Variants in KDM7A observed in about 807,000 individuals in gnomAD.
The protein encoded by KDM7A is lysine demethylase 7A, also known as lysine-specific demethylase 7A.
In KDM7A, 28 loss-of-function variants were observed where a neutral mutation model predicts 114.8. The ratio of observed to expected loss-of-function variants is 0.24; its 90% CI spans 0.18 to 0.33. KDM7A has a LOEUF of 0.33. Ranked by LOEUF, KDM7A falls within the 10% of genes least tolerant of loss-of-function variation. The pLI, the probability that KDM7A is intolerant of heterozygous loss-of-function variation, is 1.00. For missense variants in KDM7A, 942 were observed against 1,142.5 expected (o/e 0.82, Z 2.53); for synonymous variants, 423 against 397.8 (o/e 1.06, Z -0.75).
At chr7:140,145,690 C>T (rs940086012) in intron 1 of KDM7A, among the ~76,000 whole-genome samples, 14 of 152,186 alleles carry the variant, frequency 9.2e-5, no homozygotes, top group Non-Finnish European at 1.5e-4. Flanking sequence ...TCAATGTTAA[C>T]AGATGCCAAG....
At chr7:140,105,109 G>C (rs2116760191) in intron 11 of KDM7A, among the ~76,000 whole-genome samples, 1 of 152,254 alleles carries the variant, frequency 6.6e-6, no homozygotes, top group Non-Finnish European at 1.5e-5. Context: ...TGGTGTATAG[G>C]AATGCTTGTG....
chr7:140,115,112 C>G (rs916493315), intron 9 of KDM7A, among the ~76,000 whole-genome samples: 1 of 151,814 alleles, frequency 6.6e-6, no homozygotes, highest in Admixed American at 6.6e-5. Flanking sequence ...CCAGCCACCC[C>G]GTCTGGGAGG....
rs761856563 is a variant in KDM7A, at chr7:140,176,748, C to T, written c.190G>A (p.Gly64Ser). ...ECDICKDWFH[G>S]SCVGVEEHHA... ...GGCTGGAGGGGGTTTATTTACCTGCCGTGGAACCAGTCCTTGCAGATATCG... is the reference window on the plus strand; with the variant it reads ...GGCTGGAGGGGGTTTATTTACCTGCTGTGGAACCAGTCCTTGCAGATATCG... Residue 64 changes from glycine (G) to serine (S), a missense_variant, in exon 1 of 20, where the codon GGC becomes AGC. Physicochemically the swap from Gly to Ser is moderately conservative, Grantham distance 56. Around this residue, in one of 4 missense-constraint regions of KDM7A, gnomAD observed 318 missense variants for 453.1 expected, o/e 0.70. Coordinates refer to ENST00000397560, the MANE Select transcript of KDM7A (RefSeq NM_030647.2). The surrounding 1 kb of genome is among the most constrained non-coding windows in gnomAD (Gnocchi z 4.4). The T allele has an allele frequency of 1.1e-4, 147 of 1,359,538 alleles. No homozygotes were observed. Among genetic ancestry groups the T allele is most frequent in the Non-Finnish European group, 1.4e-4 (145 of 1,029,656 alleles). 84.2% of individuals were successfully genotyped at this position (1,359,538 alleles called of 1,614,324 possible). A position where few individuals can be genotyped will look rare whatever the true frequency, so the allele number is the denominator to read the frequency against.
At chr7:140,165,178 T>G (rs1794560515) in intron 1 of KDM7A, among the ~76,000 whole-genome samples, 1 of 152,240 alleles carries the variant, frequency 6.6e-6, no homozygotes, top group Non-Finnish European at 1.5e-5. Flanking sequence ...CCTGGATCAT[T>G]AATGCTCTAG....
At chr7:140,135,559 T>A (rs920377974) in intron 2 of KDM7A, among the ~76,000 whole-genome samples, 4 of 152,224 alleles carry the variant, frequency 2.6e-5, no homozygotes, top group Non-Finnish European at 5.9e-5. Flanking sequence ...ATCTTTCTTA[T>A]TATATAATGA....
At chr7:140,096,463 A>T in intron 17 of KDM7A, 92 bp downstream of exon 17, 3 of 981,470 alleles carry the variant, frequency 3.1e-6, no homozygotes, top group Non-Finnish European at 1.6e-6. Context: ...AAAGATGCTT[A>T]TTCATAATCT....
chr7:140,133,453 G>T, intron 3 of KDM7A, 86 bp downstream of exon 3: 1 of 761,230 alleles, frequency 1.3e-6, no homozygotes. Flanking sequence ...GCCTAAGTTT[G>T]AAAACATTGC....
intron 1 of KDM7A, among the ~76,000 whole-genome samples, chr7:140,168,052 C>T (rs1380448100): frequency 6.6e-6 from 1 of 152,070 alleles, no homozygotes; most frequent in East Asian, 1.9e-4. Context: ...CAGATTAAAA[C>T]ATAGATACCA....
chr7:140,098,435 G>C (rs1818151093), intron 14 of KDM7A, among the ~76,000 whole-genome samples: 1 of 152,116 alleles, frequency 6.6e-6, no homozygotes, highest in African/African-American at 2.4e-5. Flanking sequence ...CTTGTCAACA[G>C]GTAATCAATT....
At chr7:140,142,819 T>TA (rs1309880279) in intron 1 of KDM7A, among the ~76,000 whole-genome samples, 1 of 152,114 alleles carries the variant, frequency 6.6e-6, no homozygotes, top group Admixed American at 6.5e-5. Flanking sequence ...AAACCGCTTA[T>TA]AGAATCATTA....
intron 11 of KDM7A, among the ~76,000 whole-genome samples, chr7:140,109,524 G>C (rs952997190): frequency 3.9e-5 from 6 of 152,266 alleles, no homozygotes; most frequent in Admixed American, 1.3e-4. Flanking sequence ...GGCTATTGTG[G>C]ATAATGCTGC....
rs938078951 is a variant in KDM7A, at chr7:140,119,098, C to T, written c.1246+15G>A. 2.7e-6 allele frequency: 4 copies of T among 1,477,060 alleles called. No homozygotes were observed. The African/African-American group carries it at 4.2e-5, about 15-fold the overall frequency. The allele number at this position is 1,477,060 out of a possible 1,614,324, so 91.5% of individuals were successfully genotyped here. ...ATGCATCATATCATATACAAACATG[C>T]AAATTATTAATTACCTTTCAGGGTT... On this transcript the variant is annotated intron_variant, in intron 9 of 19. Coordinates refer to ENST00000397560, the MANE Select transcript of KDM7A (RefSeq NM_030647.2).
Position 140,109,468 on chromosome 7 carries a change from T to A in KDM7A, c.1428+1627A>T, listed in dbSNP as rs539286393. Among the ~76,000 whole-genome samples the A allele has an allele frequency of 2.6e-5, 4 of 152,328 alleles. No individual in the cohort carries two copies. In the East Asian group the frequency reaches 7.7e-4, roughly 29 times the overall value. On this transcript the variant is annotated intron_variant, in intron 11 of 19. Transcript: ENST00000397560. The stretch of plus-strand genomic sequence containing the variant: ...CACTGTGAGTATGTCCCACACTTTA[T>A]CTATTCACCTGCTGATGGACACCTG...
At chr7:140,119,972 TAGG>T (rs1818593402) in intron 8 of KDM7A, among the ~76,000 whole-genome samples, 1 of 152,214 alleles carries the variant, frequency 6.6e-6, no homozygotes, top group Non-Finnish European at 1.5e-5. Context: ...ATTAGACTAC[TAGG>T]AGAAGAGAGT....
At chr7:140,151,162 G>A (rs1036092610) in intron 1 of KDM7A, among the ~76,000 whole-genome samples, 1 of 152,048 alleles carries the variant, frequency 6.6e-6, no homozygotes, top group Non-Finnish European at 1.5e-5. Flanking sequence ...AAGTTCCCCA[G>A]GTGATTCTTT....
intron 1 of KDM7A, among the ~76,000 whole-genome samples, chr7:140,166,334 CCTTTTTTTTTTT>C (rs1193189720): frequency 1.4e-5 from 2 of 144,502 alleles, no homozygotes; most frequent in Non-Finnish European, 3.0e-5. Flanking sequence ...ACTTTTTTTT[CCTTTTTTTTTTT>C]TTTTTTTTTT....
intron 4 of KDM7A, 47 bp downstream of exon 4, chr7:140,129,446 T>C (rs1331871111): frequency 2.7e-6 from 4 of 1,454,742 alleles, no homozygotes; most frequent in South Asian, 1.2e-5. Flanking sequence ...CTATCATTTT[T>C]ACTTTTACCA....
Position 140,176,864 on chromosome 7 carries a change from G to A in KDM7A, c.74C>T (p.Ala25Val). 2.4e-6 allele frequency: 3 copies of A among 1,272,458 alleles called. No individual in the cohort carries two copies. Among genetic ancestry groups the A allele is most frequent in the South Asian group, 2.3e-5 (1 of 43,640 alleles). 78.8% of individuals were successfully genotyped at this position (1,272,458 alleles called of 1,614,324 possible). ...GAAAAAVSVA[A>V]PGRASAPPPP... ...CGGAGGCGCCGAGGCCCGGCCGGGA[G>A]CCGCCACCGACACGGCTGCCGCGGC... The change falls in exon 1 of 20, where the codon GCT becomes GTT. Residue 25 changes from alanine to valine, a missense_variant. Physicochemically the swap from Ala to Val is moderately conservative, Grantham distance 64. Transcript: ENST00000397560. This position sits in a 1 kb window ranked among gnomAD's most constrained non-coding sequence, Gnocchi z 4.4.
chr7:140,113,345 A>G, intron 10 of KDM7A, 146 bp downstream of exon 10: 1 of 472,724 alleles, frequency 2.1e-6, no homozygotes, highest in Non-Finnish European at 3.8e-6. Context: ...TATATACTGA[A>G]TAATAAAATG....
Sources: allele counts gnomAD v4.1 joint callset (sites outside exome capture counted in the v4.1 genomes callset), GRCh38; gene constraint gnomAD v4.1.1; regional missense constraint gnomAD v4.1.1; non-coding constraint Gnocchi (gnomAD v3.1); transcripts MANE v1.5; gene names NCBI Gene and HGNC (gene_info 2026-07-23, HGNC 2026-07-21).